The following SLC24A2 variants were observed in gnomAD, a reference collection of about 807,000 sequenced individuals.
The protein encoded by SLC24A2 is solute carrier family 24 member 2.
In SLC24A2, 36 loss-of-function variants were observed where a neutral mutation model predicts 62.0. The observed-to-expected ratio is 0.58, with a 90% confidence interval of 0.44 to 0.77. The LOEUF (loss-of-function observed/expected upper bound fraction) is 0.77, where lower values mean the gene tolerates loss of function less well. Among genes scored for constraint, SLC24A2 ranks in the 30% least tolerant of loss-of-function variants. The pLI is 0.00. For missense variants in SLC24A2, 846 were observed against 817.9 expected (o/e 1.03, Z -0.42); for synonymous variants, 358 against 294.0 (o/e 1.22, Z -2.23).
At chr9:20,095,200 G>A in the SLC24A2 span, among the ~76,000 whole-genome samples, 6,992 of 152,090 alleles carry the variant, frequency 0.046, 311 homozygotes, top group African/African-American at 0.11. Flanking sequence ...AACATGTAAT[G>A]GGCTTATTAC....
intron 2 of SLC24A2, among the ~76,000 whole-genome samples, chr9:19,699,709 TG>T (rs925967892): frequency 1.3e-5 from 2 of 152,208 alleles, no homozygotes; most frequent in Non-Finnish European, 2.9e-5. Context: ...TGATTATTTC[TG>T]GGGGGTGGTA....
the SLC24A2 span, among the ~76,000 whole-genome samples, chr9:19,839,289 G>T: frequency 2.6e-5 from 4 of 152,128 alleles, no homozygotes; most frequent in Non-Finnish European, 4.4e-5. Flanking sequence ...TTACACTGTT[G>T]GTGTGACTGT....
At chr9:20,268,280 C>A in the SLC24A2 span, among the ~76,000 whole-genome samples, 39 of 152,298 alleles carry the variant, frequency 2.6e-4, no homozygotes, top group African/African-American at 7.2e-4. Context: ...TCTTCCTCTA[C>A]ATCAGGCCTT....
the SLC24A2 span, among the ~76,000 whole-genome samples, chr9:20,293,043 T>A: frequency 6.6e-6 from 1 of 152,214 alleles, no homozygotes; most frequent in East Asian, 1.9e-4. Flanking sequence ...TGTCACTGCA[T>A]AACATCAATC....
At chr9:20,218,742 T>C in the SLC24A2 span, among the ~76,000 whole-genome samples, 1 of 152,202 alleles carries the variant, frequency 6.6e-6, no homozygotes, top group Non-Finnish European at 1.5e-5. Flanking sequence ...TTTTCTCTGC[T>C]ATGTAACAAA....
chr9:19,724,928 G>A (rs532251819), intron 2 of SLC24A2, among the ~76,000 whole-genome samples: 37 of 152,170 alleles, frequency 2.4e-4, no homozygotes, highest in African/African-American at 8.7e-4. Flanking sequence ...AACCTCAAGC[G>A]CCAGTCAAAT....
At chr9:19,651,614 T>C (rs983897527) in intron 2 of SLC24A2, among the ~76,000 whole-genome samples, 3 of 152,218 alleles carry the variant, frequency 2.0e-5, no homozygotes, top group African/African-American at 7.2e-5. Context: ...TGTTAGTCTA[T>C]GGGAAGCAAA....
At chr9:19,743,269 T>C (rs1037720462) in intron 2 of SLC24A2, among the ~76,000 whole-genome samples, 3 of 152,218 alleles carry the variant, frequency 2.0e-5, no homozygotes, top group African/African-American at 7.2e-5. Context: ...AGTCAGTTTA[T>C]CACTTCTATT....
chr9:20,080,343 C>T, the SLC24A2 span, among the ~76,000 whole-genome samples: 1 of 152,198 alleles, frequency 6.6e-6, no homozygotes, highest in South Asian at 2.1e-4. Context: ...ACTATCTGAT[C>T]TTTGACAAAC....
At chr9:20,094,817 A>G in the SLC24A2 span, among the ~76,000 whole-genome samples, 2 of 152,182 alleles carry the variant, frequency 1.3e-5, no homozygotes, top group Non-Finnish European at 2.9e-5. Flanking sequence ...TAATATATAT[A>G]GGTAAAGATC....
At chr9:19,976,024 G>A in the SLC24A2 span, among the ~76,000 whole-genome samples, 802 of 152,122 alleles carry the variant, frequency 5.3e-3, 6 homozygotes, top group African/African-American at 0.018. Flanking sequence ...CCACAGGCCC[G>A]TGGCACCACA....
At chr9:20,091,318 C>A in the SLC24A2 span, among the ~76,000 whole-genome samples, 1 of 152,084 alleles carries the variant, frequency 6.6e-6, no homozygotes, top group Non-Finnish European at 1.5e-5. Context: ...CCCAACCCCA[C>A]TGGAGAGGCC....
chr9:19,674,123 C>T (rs1022459787), intron 2 of SLC24A2, among the ~76,000 whole-genome samples: 1 of 152,114 alleles, frequency 6.6e-6, no homozygotes, highest in South Asian at 2.1e-4. Context: ...CTTTCCTTCA[C>T]TTATGAAGCT....
the SLC24A2 span, among the ~76,000 whole-genome samples, chr9:19,950,372 A>G: frequency 6.6e-6 from 1 of 152,238 alleles, no homozygotes; most frequent in Non-Finnish European, 1.5e-5. Context: ...TCAGACTTAC[A>G]GATTTATTAT....
the SLC24A2 span, among the ~76,000 whole-genome samples, chr9:19,870,447 A>T: frequency 6.6e-6 from 1 of 152,160 alleles, no homozygotes; most frequent in African/African-American, 2.4e-5. Context: ...TTTAGCTATT[A>T]TGAATAATGC....
the SLC24A2 span, among the ~76,000 whole-genome samples, chr9:20,199,330 T>C: frequency 6.6e-6 from 1 of 152,224 alleles, no homozygotes; most frequent in African/African-American, 2.4e-5. Context: ...AGCACCTATG[T>C]GCTGAGACAG....
At chr9:19,783,257 A>G (rs1399278342) in intron 2 of SLC24A2, among the ~76,000 whole-genome samples, 1 of 152,202 alleles carries the variant, frequency 6.6e-6, no homozygotes, top group African/African-American at 2.4e-5. Flanking sequence ...GTATAAGAAT[A>G]TCTAAAATGT....
chr9:19,949,739 G>C, the SLC24A2 span, among the ~76,000 whole-genome samples: 1 of 152,184 alleles, frequency 6.6e-6, no homozygotes, highest in African/African-American at 2.4e-5. Flanking sequence ...CTGGAACATA[G>C]ACATGGTGGT....
At chr9:20,041,279 C>G in the SLC24A2 span, among the ~76,000 whole-genome samples, 11 of 152,364 alleles carry the variant, frequency 7.2e-5, no homozygotes, top group South Asian at 2.3e-3. Context: ...CCAGTGTAAT[C>G]TATGCACATG....
Sources: gnomAD v4.1 joint callset for allele counts (sites outside exome capture counted in the v4.1 genomes callset) on GRCh38, gnomAD v4.1.1 for gene constraint, MANE v1.5 for transcripts, NCBI Gene and HGNC (gene_info 2026-07-23, HGNC 2026-07-21) for gene names.